GRIK4: variants seen among roughly 807,000 people sequenced by gnomAD.
GRIK4 encodes the protein glutamate receptor ionotropic, kainate 4.
A neutral mutation model predicts 104.9 loss-of-function variants in GRIK4; 40 were observed. The observed-to-expected ratio is 0.38, with a 90% confidence interval of 0.30 to 0.50. The LOEUF is 0.50. Among genes scored for constraint, GRIK4 ranks in the 20% least tolerant of loss-of-function variants. The probability of loss-of-function intolerance (pLI) is 0.93; values close to 1 mark genes in which losing one functional copy is unlikely to be tolerated. For missense variants in GRIK4, 1,047 were observed against 1,308.1 expected (o/e 0.80, Z 3.08); for synonymous variants, 485 against 524.9 (o/e 0.92, Z 1.04).
chr11:120,696,200 C>A (rs1160235084), intron 3 of GRIK4, among the ~76,000 whole-genome samples: 1 of 152,154 alleles, frequency 6.6e-6, no homozygotes, highest in Non-Finnish European at 1.5e-5. Context: ...GGCTAATTAA[C>A]CCTGGGAGTG....
chr11:120,699,853 G>T (rs961915083), intron 3 of GRIK4, among the ~76,000 whole-genome samples: 5 of 152,308 alleles, frequency 3.3e-5, no homozygotes, highest in South Asian at 4.1e-4. Flanking sequence ...TGCCCAGGGG[G>T]TCCATGTGGC....
chr11:120,861,313 G>A (rs985829988), intron 8 of GRIK4, among the ~76,000 whole-genome samples: 2 of 151,868 alleles, frequency 1.3e-5, no homozygotes, highest in African/African-American at 2.4e-5. Context: ...TCACCATGTT[G>A]GTCAGTCTGG....
At chr11:120,851,343 G>A (rs142041541) in intron 8 of GRIK4, among the ~76,000 whole-genome samples, 35 of 152,192 alleles carry the variant, frequency 2.3e-4, no homozygotes, top group Admixed American at 4.6e-4. Flanking sequence ...TTCTCTGTTC[G>A]TGAAACTCCT....
Position 120,898,579 on chromosome 11 carries a change from C to G in GRIK4, c.1212C>G (p.Leu404=), listed in dbSNP as rs1942647716. ...VAEGLSMDSH[L]YASNISDTLF... is the part of the protein sequence containing the mutation. ...AGGGCCTCAGCATGGACAGCCACCT[C>G]TATGCCTCCAACATCTCGGACACTC... The change falls in exon 12 of 21, where the codon CTC becomes CTG. Residue 404 remains leucine (L), a synonymous_variant. Transcript: ENST00000527524. 3 of 1,613,308 alleles carry G rather than the reference C, an allele frequency of 1.9e-6. No homozygotes were observed. The African/African-American group carries it at 4.0e-5, about 22-fold the overall frequency.
intron 3 of GRIK4, among the ~76,000 whole-genome samples, chr11:120,790,934 A>G (rs560726601): frequency 1.1e-3 from 160 of 152,294 alleles, no homozygotes; most frequent in Admixed American, 4.2e-3. Flanking sequence ...AGAGCCCCCA[A>G]TTCAATAAAA....
chr11:120,910,955 A>T (rs1427425633), intron 13 of GRIK4, among the ~76,000 whole-genome samples: 1 of 152,182 alleles, frequency 6.6e-6, no homozygotes, highest in Non-Finnish European at 1.5e-5. Context: ...GTGAGGAGAG[A>T]GTACGAGAGC....
chr11:120,841,115 G>C (rs777132689), intron 8 of GRIK4, among the ~76,000 whole-genome samples: 2 of 151,938 alleles, frequency 1.3e-5, no homozygotes, highest in Admixed American at 6.6e-5. Flanking sequence ...AAATATATGT[G>C]ACATAAAATT....
At chr11:120,932,157 AT>A (rs56886847) in intron 13 of GRIK4, among the ~76,000 whole-genome samples, 31,148 of 137,854 alleles carry the variant, frequency 0.23, 3,242 homozygotes, top group East Asian at 0.35. Context: ...CAATTTTACA[AT>A]TTTTTTTTTT....
chr11:120,985,983 GCGCCGCAGTCC>G lies in GRIK4; in HGVS notation c.2601_2611del (p.Val868ProfsTer274). On this transcript the variant is annotated frameshift_variant, in exon 21 of 21. Transcript: ENST00000527524. LOFTEE classifies it high-confidence loss of function. ...GACAGTATCCACCCCCGCCGGCGGCGCGCCGCAGTCCCGCCGCCCCGGCCCCCCATCCCCGA... is the reference window on the plus strand; with the variant it reads ...GACAGTATCCACCCCCGCCGGCGGCGCGCCGCCCCGGCCCCCCATCCCCGA... 6.5e-7 allele frequency: 1 copy of G among 1,534,336 alleles called. No individual in the cohort carries two copies. The highest frequency in any genetic ancestry group is 1.2e-5 in the South Asian group (1 of 82,888).
intron 19 of GRIK4, among the ~76,000 whole-genome samples, chr11:120,969,491 G>A (rs1246486851): frequency 3.3e-5 from 5 of 152,104 alleles, no homozygotes; most frequent in South Asian, 2.1e-4. Context: ...ATAAGAATTC[G>A]CATTTGGGGA....
Position 120,772,919 on chromosome 11 carries a change from T to C in GRIK4, c.83-29774T>C, listed in dbSNP as rs2846094. ...TTAAATATTTATTGAATCCTGTGATTGGCCAATATTACTATGCTAGGCAAT... is the reference window on the plus strand; with the variant it reads ...TTAAATATTTATTGAATCCTGTGATCGGCCAATATTACTATGCTAGGCAAT... On this transcript the variant is annotated intron_variant, in intron 3 of 20. Coordinates refer to ENST00000527524, the MANE Select transcript of GRIK4 (RefSeq NM_014619.5). Among the ~76,000 whole-genome samples, 486 of 152,260 alleles carry C rather than the reference T, an allele frequency of 3.2e-3. 3 individuals are homozygous for C. Among genetic ancestry groups the C allele is most frequent in the African/African-American group, 0.011 (448 of 41,554 alleles).
intron 1 of GRIK4, among the ~76,000 whole-genome samples, chr11:120,612,051 T>G (rs1949044513): frequency 6.6e-6 from 1 of 152,212 alleles, no homozygotes; most frequent in East Asian, 1.9e-4. Flanking sequence ...AAGCCTTCCC[T>G]AGTAATTCCA....
chr11:120,599,070 C>G (rs925705395), intron 1 of GRIK4, among the ~76,000 whole-genome samples: 3 of 152,220 alleles, frequency 2.0e-5, no homozygotes, highest in Non-Finnish European at 4.4e-5. Context: ...TTTCACAGCT[C>G]CTGGTCCTGT....
intron 1 of GRIK4, among the ~76,000 whole-genome samples, chr11:120,614,647 TA>T (rs1949083135): frequency 6.6e-6 from 1 of 152,212 alleles, no homozygotes; most frequent in Non-Finnish European, 1.5e-5. Context: ...CCTACGGTTC[TA>T]GGAGCATTTT....
chr11:120,817,523 G>A (rs1952992574), intron 5 of GRIK4, among the ~76,000 whole-genome samples: 1 of 150,538 alleles, frequency 6.6e-6, no homozygotes, highest in African/African-American at 2.5e-5. Context: ...TCACCCAGGA[G>A]TCCATTGCTT....
intron 14 of GRIK4, among the ~76,000 whole-genome samples, chr11:120,944,245 C>A (rs1481377826): frequency 1.4e-5 from 2 of 145,806 alleles, no homozygotes; most frequent in African/African-American, 5.0e-5. Flanking sequence ...TTCTTTCTCA[C>A]CCAACTTAAA....
intron 1 of GRIK4, among the ~76,000 whole-genome samples, chr11:120,588,364 C>T (rs1266357763): frequency 1.3e-5 from 2 of 152,278 alleles, no homozygotes; most frequent in Admixed American, 6.5e-5. Flanking sequence ...CCACCAGTCA[C>T]CCAGCACATA....
chr11:120,673,212 C>G (rs1007804756), intron 3 of GRIK4, among the ~76,000 whole-genome samples: 1 of 152,208 alleles, frequency 6.6e-6, no homozygotes, highest in African/African-American at 2.4e-5. Flanking sequence ...TAGTTCTCTG[C>G]TGTTTCCCCA....
chr11:120,970,931 A>G (rs1175635468), intron 19 of GRIK4, among the ~76,000 whole-genome samples: 1 of 152,192 alleles, frequency 6.6e-6, no homozygotes, highest in African/African-American at 2.4e-5. Context: ...CCCTTGTGAT[A>G]GTAGACACTC....
Sources: gnomAD v4.1 joint callset for allele counts (sites outside exome capture counted in the v4.1 genomes callset) on GRCh38, gnomAD v4.1.1 for gene constraint, MANE v1.5 for transcripts, NCBI Gene and HGNC (gene_info 2026-07-23, HGNC 2026-07-21) for gene names.